ZBTB41: variants seen among roughly 807,000 people sequenced by gnomAD.
ZBTB41 encodes zinc finger and BTB domain containing 41.
ZBTB41 carries 42 observed loss-of-function variants against 87.6 expected under a neutral mutation model. The observed-to-expected ratio is 0.48, with a 90% CI of 0.37 to 0.62. The LOEUF (loss-of-function observed/expected upper bound fraction) is 0.62, where lower values mean the gene tolerates loss of function less well. Among genes scored for constraint, ZBTB41 ranks in the 20% least tolerant of loss-of-function variants. The pLI is 0.00. For synonymous variants in ZBTB41, 364 were observed against 364.0 expected (o/e 1.00, Z 0.00); for missense variants, 799 against 1,078.9 (o/e 0.74, Z 3.63).
chr1:197,201,226 G>A lies in ZBTB41; in HGVS notation c.-121C>T, dbSNP rs1652789204. Among the ~76,000 whole-genome samples the A allele has an allele frequency of 6.6e-6, 1 of 152,182 alleles. No homozygotes were observed. Among genetic ancestry groups the A allele is most frequent in the African/African-American group, 2.4e-5 (1 of 41,450 alleles). On this transcript the variant is annotated 5_prime_UTR_variant, in exon 1 of 11. Transcript: ENST00000367405. ...AAACGCCCCACAGATCCATTACCGGGAACCCAAGGCTCCCCCGCTGGCTCC... is the reference window on the plus strand; with the variant it reads ...AAACGCCCCACAGATCCATTACCGGAAACCCAAGGCTCCCCCGCTGGCTCC...
intron 5 of ZBTB41, among the ~76,000 whole-genome samples, chr1:197,183,661 C>T (rs1039650336): frequency 1.2e-4 from 18 of 152,322 alleles, no homozygotes; most frequent in African/African-American, 4.3e-4. Context: ...CAGATCCTAA[C>T]ACAGAGCTGA....
intron 10 of ZBTB41, among the ~76,000 whole-genome samples, chr1:197,165,108 A>G (rs558919836): frequency 2.4e-4 from 36 of 150,718 alleles, no homozygotes; most frequent in Middle Eastern, 3.4e-3. Context: ...GTGGTAAAAA[A>G]TGAAGAATGT....
chr1:197,182,671 T>C (rs183065704), intron 5 of ZBTB41, among the ~76,000 whole-genome samples: 1 of 152,328 alleles, frequency 6.6e-6, no homozygotes, highest in East Asian at 1.9e-4. Flanking sequence ...TTGCATTAAA[T>C]ACATATCTTT....
chr1:197,159,429 A>C lies in ZBTB41; in HGVS notation c.2660T>G (p.Leu887Arg). The C allele has an allele frequency of 1.2e-6, 2 of 1,613,916 alleles. No individual in the cohort carries two copies. Among genetic ancestry groups the C allele is most frequent in the Non-Finnish European group, 1.7e-6 (2 of 1,179,818 alleles). The change falls in exon 11 of 11, where the codon CTT becomes CGT. Residue 887 changes from leucine (L) to arginine (R), a missense_variant. Physicochemically the swap from Leu to Arg is moderately radical, Grantham distance 102. Transcript: ENST00000367405. ...QMLDPREQSYLGTLLGLDSTT... is the reference protein window; with the variant it reads ...QMLDPREQSYRGTLLGLDSTT... ...GCTATCAAGGCCCAGTAATGTTCCA[A>C]GATAAGATTGTTCTCTAGGATCTAG...
At chr1:197,163,565 G>GA (rs760584900) in intron 10 of ZBTB41, among the ~76,000 whole-genome samples, 27 of 151,716 alleles carry the variant, frequency 1.8e-4, no homozygotes, top group Non-Finnish European at 3.4e-4. Context: ...AAATGGCCAA[G>GA]AATCTTCCTA....
At chr1:197,171,404 T>G (rs995506935) in intron 10 of ZBTB41, among the ~76,000 whole-genome samples, 4 of 152,176 alleles carry the variant, frequency 2.6e-5, no homozygotes, top group African/African-American at 9.6e-5. Context: ...ATGAAATCAC[T>G]TATTTTTCTC....
rs561032757 is a variant in ZBTB41, at chr1:197,177,355, G to A, written c.1773-685C>T. Among the ~76,000 whole-genome samples, 70 of 152,078 alleles carry A rather than the reference G, an allele frequency of 4.6e-4. No individual in the cohort carries two copies. In the Middle Eastern group the frequency reaches 0.01, roughly 22 times the overall value. On this transcript the variant is annotated intron_variant, in intron 7 of 10. Transcript: ENST00000367405. ...TGCCTTGCTTGCACCTTCACATACC[G>A]CCATGATTCTAAGTTTCCTGAGGCC... is the stretch of plus-strand genomic sequence containing the variant.
At chr1:197,160,635 AGTTTT>A (rs780361860) in intron 10 of ZBTB41, among the ~76,000 whole-genome samples, 1 of 152,060 alleles carries the variant, frequency 6.6e-6, no homozygotes, top group African/African-American at 2.4e-5. Flanking sequence ...CTCACACTGT[AGTTTT>A]GTTTTGTTTT....
rs1407725333 is a variant in ZBTB41, at chr1:197,165,861, A to G, written c.2075-5847T>C. On this transcript the variant is annotated intron_variant, in intron 10 of 10. Transcript: ENST00000367405. Reference sequence around the variant, plus strand: ...CAGCTCCCAGCAAGATCAACGCAGAAGGCAGGTGATTTCTGCATTTCCAAC... The same window carrying G: ...CAGCTCCCAGCAAGATCAACGCAGAGGGCAGGTGATTTCTGCATTTCCAAC... Among the ~76,000 whole-genome samples, 5 of 152,358 alleles carry G rather than the reference A, an allele frequency of 3.3e-5. No homozygotes were observed. In the South Asian group the frequency reaches 8.3e-4, roughly 25 times the overall value.
intron 4 of ZBTB41, among the ~76,000 whole-genome samples, chr1:197,189,328 T>C (rs1275171878): frequency 6.6e-6 from 1 of 151,822 alleles, no homozygotes; most frequent in Non-Finnish European, 1.5e-5. Context: ...AACTTCAAGA[T>C]CGGCCTGGCC....
chr1:197,186,618 T>A (rs2125135732), intron 5 of ZBTB41, among the ~76,000 whole-genome samples: 1 of 152,204 alleles, frequency 6.6e-6, no homozygotes, highest in Non-Finnish European at 1.5e-5. Context: ...TCCCAGCACT[T>A]TGGGAGGCCG....
At chr1:197,160,131 A>G in intron 10 of ZBTB41, 117 bp from the exon 11 acceptor site, 1 of 699,144 alleles carries the variant, frequency 1.4e-6, no homozygotes, top group Admixed American at 2.8e-5. Context: ...AATAGCAATA[A>G]TACTGTATAC....
intron 3 of ZBTB41, 142 bp downstream of exon 3, chr1:197,191,550 A>G: frequency 1.6e-6 from 1 of 625,418 alleles, no homozygotes; most frequent in Non-Finnish European, 2.5e-6. Context: ...CAAGAAAGAA[A>G]ACAGGATAAT....
intron 10 of ZBTB41, among the ~76,000 whole-genome samples, chr1:197,167,041 C>G (rs1486931131): frequency 1.3e-5 from 2 of 152,096 alleles, no homozygotes; most frequent in African/African-American, 4.8e-5. Flanking sequence ...TATGATAACA[C>G]AGCCTGTCAG....
At chr1:197,171,331 C>A (rs1659472460) in intron 10 of ZBTB41, among the ~76,000 whole-genome samples, 1 of 151,950 alleles carries the variant, frequency 6.6e-6, no homozygotes. Flanking sequence ...AGTAGTAAAT[C>A]CTTTACTGCA....
rs139885261 is a variant in ZBTB41 at position 197,197,812 on chromosome 1, G to A, written c.1120+1542C>T. On this transcript the variant is annotated intron_variant, in intron 2 of 10. Coordinates refer to ENST00000367405, the MANE Select transcript of ZBTB41 (RefSeq NM_194314.3). ...AAGAATTGGGCAGTTAAAACCGATT[G>A]TGAATTACGTAGTTCCCAATCTTAC... Among the ~76,000 whole-genome samples the A allele has an allele frequency of 9.7e-4, 147 of 152,326 alleles. 1 individual carries two copies. The highest frequency in any genetic ancestry group is 3.4e-3 in the African/African-American group (142 of 41,558).
intron 10 of ZBTB41, 67 bp downstream of exon 10, chr1:197,172,093 C>T: frequency 1.6e-6 from 1 of 636,854 alleles, no homozygotes; most frequent in Non-Finnish European, 2.3e-6. Context: ...CTATATTTTA[C>T]TTCTGATTAC....
chr1:197,190,591 A>G (rs1660003185), intron 4 of ZBTB41, among the ~76,000 whole-genome samples, 171 bp downstream of exon 4: 1 of 152,186 alleles, frequency 6.6e-6, no homozygotes, highest in South Asian at 2.1e-4. Flanking sequence ...CTAAAAACTA[A>G]CCTATACCAG....
At chr1:197,161,684 CA>C (rs1450206532) in intron 10 of ZBTB41, among the ~76,000 whole-genome samples, 2 of 152,136 alleles carry the variant, frequency 1.3e-5, no homozygotes, top group East Asian at 3.9e-4. Context: ...CAGCATCTAA[CA>C]TTTGATTTTA....
Sources: gnomAD v4.1 joint callset for allele counts (sites outside exome capture counted in the v4.1 genomes callset) on GRCh38, gnomAD v4.1.1 for gene constraint, MANE v1.5 for transcripts, NCBI Gene and HGNC (gene_info 2026-07-23, HGNC 2026-07-21) for gene names.